Variants in ERG observed in about 807,000 individuals in gnomAD.
ERG encodes ETS transcription factor ERG, also known as transcriptional regulator ERG.
ERG carries 9 observed loss-of-function variants against 55.3 expected under a neutral mutation model. That is an observed-to-expected ratio of 0.16 (90% CI 0.10 to 0.28). The LOEUF (loss-of-function observed/expected upper bound fraction) is 0.28, where lower values mean the gene tolerates loss of function less well. ERG is among the 10% of genes least tolerant of loss of function. ERG has a pLI of 1.00. For synonymous variants in ERG, 223 were observed against 237.3 expected (o/e 0.94, Z 0.55); for missense variants, 434 against 631.6 (o/e 0.69, Z 3.35).
chr21:38,453,811 G>A lies in ERG; in HGVS notation c.19-8190C>T, dbSNP rs147527049. 4.1e-3 allele frequency among the ~76,000 whole-genome samples: 616 copies of A among 151,834 alleles called. 5 individuals are homozygous for A. The highest frequency in any genetic ancestry group is 0.034 in the Middle Eastern group (10 of 294). On this transcript the variant is annotated intron_variant, in intron 1 of 9. Transcript: ENST00000288319. ...AGACAAGAGAATCGCTTGAACCCGG[G>A]AGGGGGAGGCTGCAGTGAGCTGAGA...
At chr21:38,636,090 A>C (rs1009513959) in intron 1 of ERG, among the ~76,000 whole-genome samples, 1 of 149,624 alleles carries the variant, frequency 6.7e-6, no homozygotes, top group Non-Finnish European at 1.5e-5. Context: ...GTGAGTTCTC[A>C]TGAGATCTAA....
chr21:38,385,802 T>A (rs1400009571), intron 9 of ERG, among the ~76,000 whole-genome samples: 1 of 152,190 alleles, frequency 6.6e-6, no homozygotes, highest in African/African-American at 2.4e-5. Context: ...ATGGTCTTAG[T>A]ATATATATTG....
At chr21:38,499,775 C>G (rs76003026), upstream of ERG, among the ~76,000 whole-genome samples, 3 of 126,212 alleles carry the variant, frequency 2.4e-5, no homozygotes, top group Non-Finnish European at 4.7e-5. Context: ...GGGAAGAGGG[C>G]GAGAAAAAAT....
At chr21:38,565,845 C>T (rs879532424) in intron 2 of ERG, among the ~76,000 whole-genome samples, 3 of 152,174 alleles carry the variant, frequency 2.0e-5, no homozygotes, top group South Asian at 4.1e-4. Flanking sequence ...TTCATGCAGG[C>T]GGGGACATCA....
At chr21:38,584,285 A>G (rs1241862248) in intron 1 of ERG, among the ~76,000 whole-genome samples, 12 of 152,194 alleles carry the variant, frequency 7.9e-5, no homozygotes, top group Non-Finnish European at 1.8e-4. Flanking sequence ...GGCATGCCTT[A>G]GAGAGAGGGA....
intron 1 of ERG, among the ~76,000 whole-genome samples, chr21:38,619,295 C>T (rs1164891363): frequency 6.6e-6 from 1 of 152,184 alleles, no homozygotes; most frequent in Non-Finnish European, 1.5e-5. Flanking sequence ...ACATATTTCT[C>T]CAAGACATGG....
upstream of ERG, among the ~76,000 whole-genome samples, chr21:38,501,811 T>C (rs989305196): frequency 6.6e-5 from 10 of 152,192 alleles, no homozygotes; most frequent in Non-Finnish European, 1.2e-4. Context: ...CCATCCCCTG[T>C]GAATCTGCCA....
intron 2 of ERG, among the ~76,000 whole-genome samples, chr21:38,529,989 C>A (rs752548500): frequency 5.9e-5 from 9 of 152,072 alleles, no homozygotes; most frequent in Non-Finnish European, 1.0e-4. Context: ...AAACAAAAAC[C>A]ATGGGAAAGA....
At chr21:38,450,328 G>A (rs1428889312) in intron 1 of ERG, among the ~76,000 whole-genome samples, 2 of 151,776 alleles carry the variant, frequency 1.3e-5, no homozygotes, top group Non-Finnish European at 2.9e-5. Context: ...CAGTGAGCCG[G>A]GATCACGCGA....
intron 1 of ERG, among the ~76,000 whole-genome samples, chr21:38,626,383 C>T (rs534054366): frequency 4.6e-5 from 7 of 152,212 alleles, no homozygotes; most frequent in East Asian, 1.9e-4. Flanking sequence ...GAGAGAAGTA[C>T]GGAAAGTAAG....
At chr21:38,407,384 ATAT>A (rs963078234) in intron 3 of ERG, among the ~76,000 whole-genome samples, 13 of 152,232 alleles carry the variant, frequency 8.5e-5, no homozygotes, top group African/African-American at 2.4e-4. Flanking sequence ...AAGTTTCAAA[ATAT>A]TATTATGATA....
rs181930173 is a variant in ERG, at chr21:38,462,056, A to G, written c.19-16435T>C. On this transcript the variant is annotated intron_variant, in intron 1 of 9. Transcript: ENST00000288319. ...GAATGCAGTGGCGCGATCTTGGCTCACTGCAAACTCTGCCTCCTGGGTTCA... is the reference window on the plus strand; with the variant it reads ...GAATGCAGTGGCGCGATCTTGGCTCGCTGCAAACTCTGCCTCCTGGGTTCA... Among the ~76,000 whole-genome samples, 509 of 151,794 alleles carry G rather than the reference A, an allele frequency of 3.4e-3. 2 individuals are homozygous for G. The highest frequency in any genetic ancestry group is 0.011 in the African/African-American group (466 of 41,316).
chr21:38,570,485 A>G (rs1485246716), intron 2 of ERG, among the ~76,000 whole-genome samples: 1 of 152,238 alleles, frequency 6.6e-6, no homozygotes, highest in African/African-American at 2.4e-5. Context: ...CATAGGTATC[A>G]GAGACAGGAT....
chr21:38,631,193 T>C (rs464484), intron 1 of ERG, among the ~76,000 whole-genome samples: 27,610 of 152,118 alleles, frequency 0.18, 3,267 homozygotes, highest in East Asian at 0.35. Flanking sequence ...GACTGCATCT[T>C]GCCCTTGAGA....
At position 38,575,598 on chromosome 21, in the gene ERG, C is replaced by T. The variant is rs534013907; in HGVS notation, c.-41+64G>A. 1,696 of 1,175,412 alleles carry T rather than the reference C, an allele frequency of 1.4e-3. 40 individuals carry two copies. In the South Asian group the frequency reaches 0.02, roughly 14 times the overall value. The allele number at this position is 1,175,412 out of a possible 1,614,324, so 72.8% of individuals were successfully genotyped here. A position where few individuals can be genotyped will look rare whatever the true frequency, so the allele number is the denominator to read the frequency against. Reference sequence around the variant, plus strand: ...CCCTAATTAACTGATATGTGGGCTGCTATCCATGAAAACCTAGGCACAGAG... The same window carrying T: ...CCCTAATTAACTGATATGTGGGCTGTTATCCATGAAAACCTAGGCACAGAG... On this transcript the variant is annotated intron_variant, in intron 2 of 8. Coordinates refer to the ERG transcript ENST00000398897.
intron 1 of ERG, among the ~76,000 whole-genome samples, chr21:38,631,379 G>A (rs1003442513): frequency 3.3e-5 from 5 of 152,118 alleles, no homozygotes; most frequent in African/African-American, 7.2e-5. Context: ...AAGGAATCAG[G>A]AAGAATCAGT....
chr21:38,642,504 C>T (rs2060431597), intron 1 of ERG, among the ~76,000 whole-genome samples: 1 of 152,052 alleles, frequency 6.6e-6, no homozygotes, highest in South Asian at 2.1e-4. Flanking sequence ...AAACTCTCAC[C>T]TGCAGATTCT....
chr21:38,548,784 G>A (rs1160991439), intron 2 of ERG, among the ~76,000 whole-genome samples: 1 of 147,574 alleles, frequency 6.8e-6, no homozygotes. Context: ...TTTCTAAAGA[G>A]AAACTGAACA....
At chr21:38,503,671 A>G (rs568342609) in intron 2 of ERG, among the ~76,000 whole-genome samples, 2 of 152,356 alleles carry the variant, frequency 1.3e-5, no homozygotes, top group South Asian at 4.1e-4. Context: ...ATTGTCCTTA[A>G]GATGACACAT....
Sources: allele counts gnomAD v4.1 joint callset (sites outside exome capture counted in the v4.1 genomes callset), GRCh38; gene constraint gnomAD v4.1.1; transcripts MANE v1.5; gene names NCBI Gene and HGNC (gene_info 2026-07-23, HGNC 2026-07-21).